PTPRN2: variants seen among roughly 807,000 people sequenced by gnomAD.
The protein encoded by PTPRN2 is receptor-type tyrosine-protein phosphatase N2.
In PTPRN2, 74 loss-of-function variants were observed where a neutral mutation model predicts 118.8. The observed-to-expected ratio is 0.62, with a 90% CI of 0.52 to 0.76. The LOEUF (loss-of-function observed/expected upper bound fraction) is 0.76, where lower values mean the gene tolerates loss of function less well. Among genes scored for constraint, PTPRN2 ranks in the 30% least tolerant of loss-of-function variants. The pLI is 0.00. For synonymous variants in PTPRN2, 641 were observed against 608.0 expected, an observed-to-expected ratio of 1.05 and a Z score of -0.80; for missense variants, 1,481 against 1,394.4, an observed-to-expected ratio of 1.06 and a Z score of -0.99.
intron 3 of PTPRN2, among the ~76,000 whole-genome samples, chr7:158,247,184 G>T (rs1234736335): frequency 6.6e-6 from 1 of 152,172 alleles, no homozygotes; most frequent in Non-Finnish European, 1.5e-5. Context: ...AGCGTGGCCC[G>T]TGGGTGGCAC....
chr7:157,544,898 G>A (rs1374782511), intron 22 of PTPRN2, among the ~76,000 whole-genome samples: 2 of 144,638 alleles, frequency 1.4e-5, no homozygotes, highest in African/African-American at 5.0e-5. Context: ...GTGTAGGTGT[G>A]TGTGGGTGTG....
At chr7:158,228,193 A>G (rs556988593) in intron 3 of PTPRN2, among the ~76,000 whole-genome samples, 7 of 152,324 alleles carry the variant, frequency 4.6e-5, no homozygotes, top group African/African-American at 1.7e-4. Flanking sequence ...CATTGAAAAC[A>G]GTGTGACAAT....
intron 11 of PTPRN2, among the ~76,000 whole-genome samples, chr7:157,963,887 A>G (rs547587726): frequency 8.5e-5 from 13 of 152,182 alleles, no homozygotes; most frequent in African/African-American, 3.1e-4. Flanking sequence ...TTATTTTTGG[A>G]CAGACGAGTT....
intron 2 of PTPRN2, among the ~76,000 whole-genome samples, chr7:158,422,764 G>T (rs560971733): frequency 6.6e-6 from 1 of 151,348 alleles, no homozygotes; most frequent in Admixed American, 6.6e-5. Flanking sequence ...CCATTGGGAT[G>T]TGGTCTCCGT....
chr7:158,390,661 C>T (rs745838246), intron 2 of PTPRN2, among the ~76,000 whole-genome samples: 6 of 152,224 alleles, frequency 3.9e-5, no homozygotes, highest in Admixed American at 6.5e-5. Context: ...GTCCACTGCC[C>T]GGCCAGGCTT....
At chr7:158,473,745 C>G (rs1563335326) in intron 2 of PTPRN2, among the ~76,000 whole-genome samples, 1 of 152,086 alleles carries the variant, frequency 6.6e-6, no homozygotes, top group African/African-American at 2.4e-5. Flanking sequence ...ATCCAACTGT[C>G]TAACAGTCAA....
At chr7:157,826,206 G>C (rs1017423256) in intron 12 of PTPRN2, among the ~76,000 whole-genome samples, 2 of 149,098 alleles carry the variant, frequency 1.3e-5, no homozygotes, top group African/African-American at 5.0e-5. Flanking sequence ...ACAGCAGCAC[G>C]AACACGATCG....
intron 6 of PTPRN2, among the ~76,000 whole-genome samples, chr7:158,165,546 A>C (rs1230756996): frequency 6.6e-6 from 1 of 152,266 alleles, no homozygotes; most frequent in East Asian, 1.9e-4. Context: ...TGAACAAAGA[A>C]AGAGCGAGGG....
At chr7:157,543,899 G>C (rs1329853790) in intron 22 of PTPRN2, among the ~76,000 whole-genome samples, 1 of 152,242 alleles carries the variant, frequency 6.6e-6, no homozygotes, top group East Asian at 1.9e-4. Flanking sequence ...CCAAGTTAGG[G>C]ACTAGGCATT....
chr7:158,548,596 T>A (rs1351039357), intron 1 of PTPRN2, among the ~76,000 whole-genome samples: 2 of 152,256 alleles, frequency 1.3e-5, no homozygotes, highest in African/African-American at 2.4e-5. Context: ...TTCTTAAAAA[T>A]GAGTGTAAAT....
intron 11 of PTPRN2, among the ~76,000 whole-genome samples, chr7:158,054,575 G>A (rs1422433778): frequency 6.6e-6 from 1 of 152,216 alleles, no homozygotes; most frequent in Non-Finnish European, 1.5e-5. Context: ...TGGCCCATGG[G>A]TGAGGTCTCG....
intron 11 of PTPRN2, among the ~76,000 whole-genome samples, chr7:158,078,605 G>A (rs925023852): frequency 1.3e-5 from 2 of 152,148 alleles, no homozygotes; most frequent in East Asian, 1.9e-4. Context: ...CCTCTTCACC[G>A]TGCTAAGCAC....
At chr7:158,380,023 C>G (rs1405558612) in intron 2 of PTPRN2, among the ~76,000 whole-genome samples, 1 of 152,132 alleles carries the variant, frequency 6.6e-6, no homozygotes, top group Non-Finnish European at 1.5e-5. Flanking sequence ...AAAGACCCAC[C>G]CCTATGATTC....
At chr7:158,140,913 C>T (rs182961878) in intron 6 of PTPRN2, among the ~76,000 whole-genome samples, 18 of 152,340 alleles carry the variant, frequency 1.2e-4, no homozygotes, top group African/African-American at 4.3e-4. Flanking sequence ...GTGTTGAAAT[C>T]TCTGTCCTCA....
chr7:157,913,330 GTAAA>G (rs780346489), intron 11 of PTPRN2, among the ~76,000 whole-genome samples: 7 of 152,102 alleles, frequency 4.6e-5, no homozygotes, highest in East Asian at 3.9e-4. Flanking sequence ...TCTCTTCTGA[GTAAA>G]TAATGAGGCC....
At chr7:158,077,235 G>C (rs542926335) in intron 11 of PTPRN2, among the ~76,000 whole-genome samples, 9 of 152,216 alleles carry the variant, frequency 5.9e-5, no homozygotes, top group African/African-American at 2.2e-4. Context: ...ATGTGGACCC[G>C]CTACATATGA....
chr7:158,227,068 G>A (rs748022712), intron 3 of PTPRN2, among the ~76,000 whole-genome samples: 12 of 152,114 alleles, frequency 7.9e-5, no homozygotes, highest in Non-Finnish European at 1.2e-4. Context: ...GACGAATGGA[G>A]GCCTCAGAGC....
chr7:157,815,750 A>G (rs1806356961), intron 12 of PTPRN2, among the ~76,000 whole-genome samples: 1 of 152,178 alleles, frequency 6.6e-6, no homozygotes, highest in Non-Finnish European at 1.5e-5. Flanking sequence ...GACCACCCTT[A>G]CAGCCTGCCA....
chr7:157,821,129 C>T (rs1942527006), intron 12 of PTPRN2, among the ~76,000 whole-genome samples: 1 of 152,198 alleles, frequency 6.6e-6, no homozygotes, highest in Non-Finnish European at 1.5e-5. Context: ...CATCCTTGTG[C>T]CAATGCCACT....
Sources: gnomAD v4.1 joint callset for allele counts (sites outside exome capture counted in the v4.1 genomes callset) on GRCh38, gnomAD v4.1.1 for gene constraint, MANE v1.5 for transcripts, NCBI Gene and HGNC (gene_info 2026-07-23, HGNC 2026-07-21) for gene names.